The following GCNA variants were observed in gnomAD, a reference collection of about 807,000 sequenced individuals.
The protein encoded by GCNA is germ cell nuclear acidic peptidase.
Under a neutral mutation model 38.8 loss-of-function variants are expected in GCNA, and 3 were observed. The observed-to-expected ratio is 0.08, with a 90% CI of 0.04 to 0.20. The LOEUF (loss-of-function observed/expected upper bound fraction) is 0.20, where lower values mean the gene tolerates loss of function less well. Ranked by LOEUF, GCNA falls within the 10% of genes least tolerant of loss-of-function variation. GCNA has a pLI of 1.00. For missense variants in GCNA, 446 were observed against 578.6 expected (o/e 0.77, Z 2.35); for synonymous variants, 195 against 240.2 (o/e 0.81, Z 1.74).
At chrX:71,599,646 G>A (rs773055978) in intron 7 of GCNA, among the ~76,000 whole-genome samples, 2 of 112,304 alleles carry the variant, frequency 1.8e-5, no homozygotes, top group South Asian at 7.4e-4. Context: ...TTTCTTTGCT[G>A]TTCTCTACGT....
chrX:71,612,788 G>C, intron 12 of GCNA, 74 bp from the exon 13 acceptor site: 1 of 1,169,927 alleles, frequency 8.5e-7, no homozygotes, highest in Non-Finnish European at 1.1e-6. Flanking sequence ...TTGGGCCCAA[G>C]GCTAACATCT....
chrX:71,592,000 C>T (rs1185718595), intron 2 of GCNA, 122 bp from the exon 3 acceptor site: 1 of 635,778 alleles, frequency 1.6e-6, no homozygotes, highest in African/African-American at 2.2e-5. Flanking sequence ...GCCCTTAAAA[C>T]CTTTTTTGCA....
chrX:71,612,590 C>T (rs200939858), intron 12 of GCNA, 31 bp downstream of exon 12: 7 of 1,162,099 alleles, frequency 6.0e-6, no homozygotes, highest in East Asian at 3.0e-5. Context: ...TTCCCAGTTA[C>T]GTTTTGCTGG....
At chrX:71,588,892 G>GTTT (rs1232133669) in intron 2 of GCNA, among the ~76,000 whole-genome samples, 2 of 101,384 alleles carry the variant, frequency 2.0e-5, no homozygotes, top group East Asian at 3.0e-4. Context: ...TTTTTTTTAA[G>GTTT]TTTTTTTTTT....
intron 2 of GCNA, among the ~76,000 whole-genome samples, chrX:71,589,874 A>G (rs1337410195): frequency 2.7e-5 from 3 of 109,795 alleles, no homozygotes; most frequent in African/African-American, 1.0e-4. Flanking sequence ...CTGCAGTGGC[A>G]CTATCATGGC....
Position 71,610,700 on chromosome X carries a change from T to C in GCNA, c.1631T>C (p.Ile544Thr). 8.3e-7 allele frequency: 1 copy of C among 1,211,761 alleles called. No homozygotes were observed. The highest frequency in any genetic ancestry group is 1.1e-6 in the Non-Finnish European group (1 of 895,365). Residue 544 changes from isoleucine (I) to threonine (T), a missense_variant, in exon 11 of 13, where the codon ATA becomes ACA. By Grantham distance (89) the Ile-to-Thr change is moderately conservative (BLOSUM62 -1). Coordinates refer to ENST00000373696, the MANE Select transcript of GCNA (RefSeq NM_052957.5). The stretch of plus-strand genomic sequence containing the variant: ...TCTCAGCTGCCAGAGAAACTACGCA[T>C]AGGCTGGAATAACAAGATGGTGAAA... ...CDKKLPEKLR[I>T]GWNNKMVKTA...
At chrX:71,605,554 G>T in intron 8 of GCNA, 109 bp from the exon 9 acceptor site, 1 of 559,229 alleles carries the variant, frequency 1.8e-6, no homozygotes, top group Non-Finnish European at 2.9e-6. Flanking sequence ...TAGAGAAGTT[G>T]CACTGGGCTT....
Position 71,604,342 on chromosome X carries a change from T to A in GCNA, c.1065T>A (p.Val355=). The A allele has an allele frequency of 8.3e-7, 1 of 1,212,046 alleles. No individual in the cohort carries two copies. Among genetic ancestry groups the A allele is most frequent in the Non-Finnish European group, 1.1e-6 (1 of 895,564 alleles). The part of the protein sequence containing the change: ...GQIASDEEEL[V]EAAAAVSQHD... The stretch of plus-strand genomic sequence containing the variant: ...TTGCTTCAGATGAAGAAGAGCTGGT[T>A]GAGGCTGCTGCTGCTGTCTCCCAGC... Residue 355 remains valine, a synonymous_variant, in exon 8 of 13, where the codon GTT becomes GTA. Coordinates refer to ENST00000373696, the MANE Select transcript of GCNA (RefSeq NM_052957.5).
At chrX:71,589,132 A>G (rs1472785022) in intron 2 of GCNA, among the ~76,000 whole-genome samples, 1 of 110,923 alleles carries the variant, frequency 9.0e-6, no homozygotes, top group African/African-American at 3.3e-5. Context: ...TTGGGATTAT[A>G]GGCATGAGCC....
At position 71,603,627 on chromosome X, in the gene GCNA, A is replaced by G. The variant is rs1283876346; in HGVS notation, c.350A>G (p.Gln117Arg). 2 of 1,211,738 alleles carry G rather than the reference A, an allele frequency of 1.7e-6. No individual in the cohort carries two copies. The highest frequency in any genetic ancestry group is 4.3e-5 in the Admixed American group (2 of 46,098). ...PECCHVKPAI[Q>R]EPPIVISDDD... is the part of the protein sequence containing the mutation. The stretch of plus-strand genomic sequence containing the variant: ...TGTTGTCATGTGAAGCCTGCCATCC[A>G]GGAACCTCCAATAGTTATTAGTGAT... The change falls in exon 8 of 13, where the codon CAG (glutamine) becomes CGG (arginine). Residue 117 changes from glutamine to arginine, a missense_variant. By Grantham distance (43) the Gln-to-Arg change is conservative. Coordinates refer to ENST00000373696, the MANE Select transcript of GCNA (RefSeq NM_052957.5).
Position 71,604,296 on chromosome X carries a change from A to T in GCNA, c.1019A>T (p.Asp340Val), listed in dbSNP as rs1248763809. ...TTGGAAGTTCCTGTGCCAGCAGAAG[A>T]TTTGTGTAATGAAGGCCAAATTGCT... is the stretch of plus-strand genomic sequence containing the variant. ...DDLEVPVPAEDLCNEGQIASD... is the reference protein window; with the variant it reads ...DDLEVPVPAEVLCNEGQIASD... The change falls in exon 8 of 13, where the codon GAT becomes GTT. Residue 340 changes from aspartate (D) to valine (V), a missense_variant. Transcript: ENST00000373696. The T allele has an allele frequency of 2.5e-6, 3 of 1,211,267 alleles. No homozygotes were observed. The highest frequency in any genetic ancestry group is 3.3e-6 in the Non-Finnish European group (3 of 895,541).
chrX:71,580,915 A>G, intron 2 of GCNA, 35 bp downstream of exon 2: 1 of 1,150,184 alleles, frequency 8.7e-7, no homozygotes, highest in Non-Finnish European at 1.2e-6. Flanking sequence ...CTTTTAGTTT[A>G]GTGTTACCGT....
rs2040733594 is a variant in GCNA at position 71,603,601 on chromosome X, G to C, written c.324G>C (p.Glu108Asp). ...LEINSDDESP[E>D]CCHVKPAIQE... ...CTTGAATTTCAGATGAGAGTCCGGAGTGTTGTCATGTGAAGCCTGCCATCC... is the reference window on the plus strand; with the variant it reads ...CTTGAATTTCAGATGAGAGTCCGGACTGTTGTCATGTGAAGCCTGCCATCC... Residue 108 changes from glutamate to aspartate, a missense_variant, in exon 8 of 13, where the codon GAG (glutamate) becomes GAC (aspartate). Around this residue, in one of 7 missense-constraint regions of GCNA, gnomAD observed 118 missense variants for 122.8 expected, o/e 0.96. Coordinates refer to ENST00000373696, the MANE Select transcript of GCNA (RefSeq NM_052957.5). 4.1e-6 allele frequency: 5 copies of C among 1,209,517 alleles called. No individual in the cohort carries two copies. The highest frequency in any genetic ancestry group is 5.6e-6 in the Non-Finnish European group (5 of 893,888).
chrX:71,604,872 G>T (rs1370877001), intron 8 of GCNA, among the ~76,000 whole-genome samples, 196 bp downstream of exon 8: 1 of 112,150 alleles, frequency 8.9e-6, no homozygotes, highest in Non-Finnish European at 1.9e-5. Context: ...TCTTTCTCAT[G>T]CTCCTGTATC....
chrX:71,607,425 A>G (rs1426879057), intron 9 of GCNA, among the ~76,000 whole-genome samples: 1 of 112,345 alleles, frequency 8.9e-6, no homozygotes, highest in East Asian at 2.8e-4. Flanking sequence ...TAGGAGTTCT[A>G]TTAAGTCAGA....
In GCNA at chrX:71,612,364, G is replaced by A. The variant is rs754484042; in HGVS notation, c.1760G>A (p.Arg587Gln). The A allele has an allele frequency of 2.2e-5, 26 of 1,194,266 alleles. No individual in the cohort carries two copies. Among genetic ancestry groups the A allele is most frequent in the Non-Finnish European group, 5.6e-6 (5 of 886,828 alleles). The change falls in exon 12 of 13, where the codon CGG becomes CAG. Residue 587 changes from arginine (R) to glutamine (Q), a missense_variant. Around this residue, in one of 7 missense-constraint regions of GCNA, gnomAD observed 60 missense variants for 111.0 expected, o/e 0.54. Coordinates refer to ENST00000373696, the MANE Select transcript of GCNA (RefSeq NM_052957.5). ...LKVCDSADRI[R>Q]DTLIHEMCHA... ...TCATTCTTCTTTCAAGACCGAATCC[G>A]GGATACCTTGATCCATGAAATGTGC...
At position 71,612,892 on chromosome X, in the gene GCNA, C is replaced by T; in HGVS notation, c.1986C>T (p.Thr662=). 1 of 1,211,300 alleles carries T rather than the reference C, an allele frequency of 8.3e-7. No homozygotes were observed. The highest frequency in any genetic ancestry group is 1.1e-6 in the Non-Finnish European group (1 of 895,367). Residue 662 remains threonine, a synonymous_variant, in exon 13 of 13, where the codon ACC becomes ACT. Transcript: ENST00000373696. ...GCTGCTACACCAAATCGTTGGACAC[C>T]AGCCGCTTCATCTGTGCCAAATGCA... is the stretch of plus-strand genomic sequence containing the variant. ...RIGCYTKSLD[T]SRFICAKCKG...
At chrX:71,586,108 T>G (rs1482762887) in intron 2 of GCNA, among the ~76,000 whole-genome samples, 2 of 108,736 alleles carry the variant, frequency 1.8e-5, no homozygotes, top group East Asian at 5.7e-4. Context: ...AGCATCTTGT[T>G]TACTTTCCAC....
At position 71,603,785 on chromosome X, in the gene GCNA, G is replaced by A. The variant is rs947249334; in HGVS notation, c.508G>A (p.Asp170Asn). 10 of 1,210,388 alleles carry A rather than the reference G, an allele frequency of 8.3e-6. No individual in the cohort carries two copies. The highest frequency in any genetic ancestry group is 2.3e-4 in the Middle Eastern group (1 of 4,350). ...CAACAGTGATGATTCGGAAGCTCCC[G>A]ACGACAACAGTGATGATTCGGAAGC... is the stretch of plus-strand genomic sequence containing the variant. ...DDNSDDSEAP[D>N]DNSDDSEAPD... Residue 170 changes from aspartate to asparagine, a missense_variant, in exon 8 of 13, where the codon GAC (aspartate) becomes AAC (asparagine). Physicochemically the swap from Asp to Asn is conservative, Grantham distance 23 (BLOSUM62 1). Transcript: ENST00000373696.
Sources: gnomAD v4.1 joint callset for allele counts (sites outside exome capture counted in the v4.1 genomes callset) on GRCh38, gnomAD v4.1.1 for gene constraint, gnomAD v4.1.1 regional missense constraint, MANE v1.5 for transcripts, NCBI Gene and HGNC (gene_info 2026-07-23, HGNC 2026-07-21) for gene names.